LRRTM4: variants seen among roughly 807,000 people sequenced by gnomAD.
The protein encoded by LRRTM4 is leucine rich repeat transmembrane neuronal 4, also known as leucine-rich repeat transmembrane neuronal protein 4.
Under a neutral mutation model 47.6 loss-of-function variants are expected in LRRTM4, and 25 were observed. The ratio of observed to expected loss-of-function variants is 0.53; its 90% CI spans 0.38 to 0.73. The LOEUF (loss-of-function observed/expected upper bound fraction) is 0.73, where lower values mean the gene tolerates loss of function less well. LRRTM4 is among the 30% of genes least tolerant of loss of function. LRRTM4 has a pLI of 0.00. For missense variants in LRRTM4, 638 were observed against 713.4 expected (o/e 0.89, Z 1.20); for synonymous variants, 311 against 269.5 (o/e 1.15, Z -1.51).
chr2:76,861,088 G>A (rs1341105267), intron 3 of LRRTM4, among the ~76,000 whole-genome samples: 2 of 151,922 alleles, frequency 1.3e-5, no homozygotes, highest in Admixed American at 6.6e-5. Context: ...ACTATTTACT[G>A]GTAAGTGTTT....
intron 3 of LRRTM4, among the ~76,000 whole-genome samples, chr2:77,033,440 TTAATA>T (rs1375488623): frequency 2.0e-5 from 3 of 151,974 alleles, no homozygotes; most frequent in African/African-American, 4.8e-5. Flanking sequence ...TTTTTTACTC[TTAATA>T]TATTAATATT....
At chr2:77,477,344 T>A (rs1255832244) in intron 3 of LRRTM4, among the ~76,000 whole-genome samples, 1 of 152,180 alleles carries the variant, frequency 6.6e-6, no homozygotes, top group Non-Finnish European at 1.5e-5. Context: ...AATACTCTCA[T>A]GCTGGCTAAA....
chr2:76,946,351 T>G (rs1382765785), intron 3 of LRRTM4, among the ~76,000 whole-genome samples: 2 of 151,938 alleles, frequency 1.3e-5, no homozygotes, highest in Non-Finnish European at 2.9e-5. Context: ...TTCTGCCATT[T>G]TGCTGACATC....
intron 3 of LRRTM4, among the ~76,000 whole-genome samples, chr2:76,998,610 T>A (rs1677290760): frequency 6.6e-6 from 1 of 151,882 alleles, no homozygotes; most frequent in Non-Finnish European, 1.5e-5. Flanking sequence ...CCCAGGCAAT[T>A]TTTGTACACA....
chr2:76,816,043 C>T (rs1227792061), intron 3 of LRRTM4, among the ~76,000 whole-genome samples: 8 of 151,884 alleles, frequency 5.3e-5, no homozygotes, highest in Admixed American at 5.3e-4. Flanking sequence ...CTATTTAATC[C>T]TCCCAGATTA....
At chr2:76,876,229 T>C (rs1316470644) in intron 3 of LRRTM4, among the ~76,000 whole-genome samples, 1 of 152,186 alleles carries the variant, frequency 6.6e-6, no homozygotes, top group African/African-American at 2.4e-5. Flanking sequence ...ATCTATAATT[T>C]ACTTTAAATA....
At chr2:77,207,347 G>GTTTA (rs200933978) in intron 3 of LRRTM4, among the ~76,000 whole-genome samples, 1 of 83,396 alleles carries the variant, frequency 1.2e-5, no homozygotes, top group Admixed American at 1.3e-4. Flanking sequence ...TTTCATATAT[G>GTTTA]TGTATATATA....
intron 3 of LRRTM4, among the ~76,000 whole-genome samples, chr2:77,290,490 T>G (rs1255641969): frequency 6.6e-6 from 1 of 152,012 alleles, no homozygotes; most frequent in Admixed American, 6.6e-5. Context: ...TTTGGTAGCA[T>G]AATAGGTCAA....
At chr2:76,941,113 A>G (rs1211372762) in intron 3 of LRRTM4, among the ~76,000 whole-genome samples, 1 of 152,358 alleles carries the variant, frequency 6.6e-6, no homozygotes, top group Admixed American at 6.5e-5. Context: ...ACAATAAAGA[A>G]GAAGGTAAAG....
At chr2:77,081,267 C>A (rs935969264) in intron 3 of LRRTM4, among the ~76,000 whole-genome samples, 1 of 148,934 alleles carries the variant, frequency 6.7e-6, no homozygotes, top group Non-Finnish European at 1.5e-5. Flanking sequence ...CACACACACA[C>A]ACACACACAC....
At chr2:77,312,748 C>T (rs1156958244) in intron 3 of LRRTM4, among the ~76,000 whole-genome samples, 2 of 152,004 alleles carry the variant, frequency 1.3e-5, no homozygotes, top group Non-Finnish European at 2.9e-5. Context: ...GCCTGACCTA[C>T]ACTGAGTAAA....
chr2:77,234,081 A>G (rs1285380587), intron 3 of LRRTM4, among the ~76,000 whole-genome samples: 1 of 152,072 alleles, frequency 6.6e-6, no homozygotes, highest in East Asian at 1.9e-4. Context: ...CCACTCTCAC[A>G]CTGACTTATT....
intron 3 of LRRTM4, among the ~76,000 whole-genome samples, chr2:76,973,042 AG>A (rs1185237880): frequency 1.3e-5 from 2 of 152,052 alleles, no homozygotes; most frequent in African/African-American, 4.8e-5. Context: ...AATGCTTTCC[AG>A]GACACTAAAA....
chr2:76,936,253 C>G (rs978568934), intron 3 of LRRTM4, among the ~76,000 whole-genome samples: 1 of 152,054 alleles, frequency 6.6e-6, no homozygotes, highest in African/African-American at 2.4e-5. Context: ...GACTACTATG[C>G]AGCCATAAAA....
At chr2:77,350,136 C>A (rs1017590422) in intron 3 of LRRTM4, among the ~76,000 whole-genome samples, 3 of 150,308 alleles carry the variant, frequency 2.0e-5, no homozygotes, top group African/African-American at 7.3e-5. Context: ...TCCTGGCTAA[C>A]AAGGTGAAAC....
intron 3 of LRRTM4, among the ~76,000 whole-genome samples, chr2:77,329,910 A>T (rs1400291667): frequency 6.6e-6 from 1 of 152,190 alleles, no homozygotes; most frequent in African/African-American, 2.4e-5. Context: ...GAGTCCCATC[A>T]ATATAATCAT....
At chr2:77,362,164 A>AGAAAGAAG (rs1553434447) in intron 3 of LRRTM4, among the ~76,000 whole-genome samples, 41 of 151,472 alleles carry the variant, frequency 2.7e-4, no homozygotes, top group African/African-American at 1.0e-3. Context: ...AAAGAAAGAA[A>AGAAAGAAG]GAAAGAAAGG....
At chr2:77,311,317 T>A (rs1274662503) in intron 3 of LRRTM4, among the ~76,000 whole-genome samples, 1 of 152,152 alleles carries the variant, frequency 6.6e-6, no homozygotes, top group Non-Finnish European at 1.5e-5. Context: ...TGAATGCATT[T>A]TTAAAACATT....
At position 76,748,909 on chromosome 2, in the gene LRRTM4, TG is replaced by T; in HGVS notation, c.1558del (p.His520ThrfsTer3). The part of the protein sequence containing the change: ...ISGSRECEMP[H>X]HMKPLPYYSY... ...GTAATATGGCAAGGGCTTCATGTGG[TG>T]TGGCATCTGGATATGAGAAATAGAA... On this transcript the variant is annotated frameshift_variant, in exon 4 of 4. Transcript: ENST00000409884. LOFTEE classifies it high-confidence loss of function. 6.2e-7 allele frequency: 1 copy of T among 1,613,806 alleles called. No individual in the cohort carries two copies. Among genetic ancestry groups the T allele is most frequent in the Admixed American group, 1.7e-5 (1 of 60,008 alleles).
Sources: gnomAD v4.1 joint callset for allele counts (sites outside exome capture counted in the v4.1 genomes callset) on GRCh38, gnomAD v4.1.1 for gene constraint, MANE v1.5 for transcripts, NCBI Gene and HGNC (gene_info 2026-07-23, HGNC 2026-07-21) for gene names.